Variants in ADGRB3 observed in about 807,000 individuals in gnomAD.
ADGRB3 encodes the protein brain-specific angiogenesis inhibitor 3.
ADGRB3 carries 37 observed loss-of-function variants against 193.4 expected under a neutral mutation model. The ratio of observed to expected loss-of-function variants is 0.19; its 90% CI spans 0.15 to 0.25. The LOEUF (loss-of-function observed/expected upper bound fraction) is 0.25, where lower values mean the gene tolerates loss of function less well. ADGRB3 is among the 10% of genes least tolerant of loss of function. The probability of loss-of-function intolerance (pLI) is 1.00; values close to 1 mark genes in which losing one functional copy is unlikely to be tolerated. For missense variants in ADGRB3, 1,637 were observed against 1,852.9 expected, an observed-to-expected ratio of 0.88 and a Z score of 2.14; for synonymous variants, 690 against 644.2, an observed-to-expected ratio of 1.07 and a Z score of -1.08.
At chr6:68,823,702 A>G (rs1020155367) in intron 3 of ADGRB3, among the ~76,000 whole-genome samples, 11 of 152,100 alleles carry the variant, frequency 7.2e-5, no homozygotes, top group Non-Finnish European at 1.6e-4. Context: ...GTGCTAGTAG[A>G]TGGTTCAAAA....
intron 20 of ADGRB3, among the ~76,000 whole-genome samples, chr6:69,250,755 G>A (rs1387354847): frequency 6.6e-6 from 1 of 152,154 alleles, no homozygotes; most frequent in Non-Finnish European, 1.5e-5. Flanking sequence ...CACTTCCTGG[G>A]CATGCACCAC....
chr6:69,036,579 G>GT (rs1770877670), intron 13 of ADGRB3, among the ~76,000 whole-genome samples: 2 of 151,866 alleles, frequency 1.3e-5, no homozygotes, highest in South Asian at 4.2e-4. Flanking sequence ...GTAAGTCTAT[G>GT]TAAAAAAAAA....
intron 3 of ADGRB3, among the ~76,000 whole-genome samples, chr6:68,768,893 T>C (rs1766563761): frequency 6.6e-6 from 1 of 150,528 alleles, no homozygotes; most frequent in South Asian, 2.1e-4. Context: ...GAACAGACAC[T>C]TCTCAAAAGA....
intron 3 of ADGRB3, among the ~76,000 whole-genome samples, chr6:68,730,247 T>C (rs1765747270): frequency 6.6e-6 from 1 of 151,668 alleles, no homozygotes; most frequent in Non-Finnish European, 1.5e-5. Flanking sequence ...ATAAGTACTT[T>C]CAGTTTTCTA....
At chr6:68,701,122 A>G (rs887453712) in intron 3 of ADGRB3, among the ~76,000 whole-genome samples, 1 of 151,840 alleles carries the variant, frequency 6.6e-6, no homozygotes, top group African/African-American at 2.4e-5. Context: ...AATTATAAAA[A>G]GCACTTCAAA....
chr6:69,088,790 T>C (rs986220196), intron 17 of ADGRB3, among the ~76,000 whole-genome samples: 3 of 152,230 alleles, frequency 2.0e-5, no homozygotes, highest in Non-Finnish European at 2.9e-5. Context: ...ATGGGAGGAA[T>C]TCATAATTCA....
intron 3 of ADGRB3, among the ~76,000 whole-genome samples, chr6:68,702,547 G>T (rs1252288702): frequency 6.6e-6 from 1 of 152,172 alleles, no homozygotes; most frequent in East Asian, 1.9e-4. Flanking sequence ...ATTGACTTAA[G>T]TGTCAGTGAG....
chr6:68,992,374 G>C (rs1367931995), intron 10 of ADGRB3, among the ~76,000 whole-genome samples: 1 of 152,142 alleles, frequency 6.6e-6, no homozygotes, highest in African/African-American at 2.4e-5. Context: ...GTACAAAGTA[G>C]AAACCAGCTG....
intron 3 of ADGRB3, among the ~76,000 whole-genome samples, chr6:68,765,128 A>T (rs6941527): frequency 6.6e-6 from 1 of 152,116 alleles, no homozygotes; most frequent in Non-Finnish European, 1.5e-5. Flanking sequence ...ATAATGTTTT[A>T]ATTTTGAGTG....
chr6:68,879,109 C>G (rs1415866603), intron 3 of ADGRB3, among the ~76,000 whole-genome samples: 3 of 151,840 alleles, frequency 2.0e-5, no homozygotes, highest in Admixed American at 1.3e-4. Flanking sequence ...GATTTATTGA[C>G]CAATTAACTG....
intron 17 of ADGRB3, among the ~76,000 whole-genome samples, chr6:69,160,096 G>C (rs931787648): frequency 1.3e-5 from 2 of 152,078 alleles, no homozygotes; most frequent in African/African-American, 2.4e-5. Context: ...TACTGAAATA[G>C]AATTCTAATT....
intron 3 of ADGRB3, among the ~76,000 whole-genome samples, chr6:68,682,243 CA>C (rs1332493506): frequency 5.3e-5 from 8 of 152,180 alleles, no homozygotes; most frequent in African/African-American, 1.9e-4. Context: ...AGCATTATTT[CA>C]AGTGTACAAC....
At chr6:69,265,028 T>A (rs751496865) in intron 20 of ADGRB3, among the ~76,000 whole-genome samples, 11 of 152,032 alleles carry the variant, frequency 7.2e-5, no homozygotes, top group South Asian at 4.1e-4. Context: ...TACGTGCAAA[T>A]TCTCTTACTG....
chr6:68,688,298 C>T (rs1353827415), intron 3 of ADGRB3, among the ~76,000 whole-genome samples: 1 of 152,182 alleles, frequency 6.6e-6, no homozygotes, highest in African/African-American at 2.4e-5. Context: ...TCTTTTCACT[C>T]TGACATATGC....
chr6:68,936,278 G>T (rs1381034315), intron 4 of ADGRB3, among the ~76,000 whole-genome samples: 3 of 152,198 alleles, frequency 2.0e-5, no homozygotes, highest in African/African-American at 7.2e-5. Flanking sequence ...CCATGGTACA[G>T]TGTAATTTGT....
At chr6:69,015,472 C>T (rs1004191549) in intron 12 of ADGRB3, among the ~76,000 whole-genome samples, 1 of 151,902 alleles carries the variant, frequency 6.6e-6, no homozygotes, top group South Asian at 2.1e-4. Context: ...ACAAAAACAA[C>T]CCTGTTCTGC....
chr6:68,900,494 T>A (rs1429812355), intron 3 of ADGRB3, among the ~76,000 whole-genome samples: 3 of 152,088 alleles, frequency 2.0e-5, no homozygotes, highest in Admixed American at 6.6e-5. Flanking sequence ...TCTGAAGATA[T>A]CTAGCTCATC....
At chr6:69,357,815 A>G (rs1769366641) in intron 28 of ADGRB3, among the ~76,000 whole-genome samples, 2 of 151,782 alleles carry the variant, frequency 1.3e-5, no homozygotes, top group Non-Finnish European at 2.9e-5. Context: ...AACCTAACAA[A>G]ATGTTGTCAG....
At chr6:69,300,889 T>C (rs1360180559) in intron 20 of ADGRB3, among the ~76,000 whole-genome samples, 6 of 151,830 alleles carry the variant, frequency 4.0e-5, no homozygotes, top group African/African-American at 1.4e-4. Flanking sequence ...TTCAAAGTGA[T>C]AAGATCCTTG....
Sources: allele counts gnomAD v4.1 joint callset (sites outside exome capture counted in the v4.1 genomes callset), GRCh38; gene constraint gnomAD v4.1.1; transcripts MANE v1.5; gene names NCBI Gene and HGNC (gene_info 2026-07-23, HGNC 2026-07-21).